SHLD2: variants seen among roughly 807,000 people sequenced by gnomAD.
SHLD2 encodes RINN1-REV7-interacting novel NHEJ regulator 2.
A neutral mutation model predicts 73.2 loss-of-function variants in SHLD2; 30 were observed. That is an observed-to-expected ratio of 0.41 (90% CI 0.31 to 0.56). The LOEUF is 0.56. SHLD2 is among the 20% of genes least tolerant of loss of function. The pLI, the probability that SHLD2 is intolerant of heterozygous loss-of-function variation, is 0.28. For missense variants in SHLD2, 745 were observed against 1,055.9 expected, an observed-to-expected ratio of 0.71 and a Z score of 4.08; for synonymous variants, 285 against 370.1, an observed-to-expected ratio of 0.77 and a Z score of 2.64.
At position 87,152,761 on chromosome 10, in the gene SHLD2, G is replaced by A; in HGVS notation, c.1407G>A (p.Val469=). ...IKFGPNSGSK[V]PLATVTVIDQ... ...TCGGACCAAATTCTGGCTCTAAAGT[G>A]CCTTTAGCAACAGTTACAGTAATTG... is the stretch of plus-strand genomic sequence containing the variant. Residue 469 remains valine (V), a synonymous_variant, in exon 3 of 10, where the codon GTG becomes GTA. Coordinates refer to ENST00000298786, the MANE Select transcript of SHLD2 (RefSeq NM_001330112.2). 6.8e-6 allele frequency: 11 copies of A among 1,611,922 alleles called. No homozygotes were observed. The highest frequency in any genetic ancestry group is 1.1e-5 in the South Asian group (1 of 90,976).
intron 6 of SHLD2, among the ~76,000 whole-genome samples, chr10:87,172,222 C>T (rs1273664329): frequency 6.6e-6 from 1 of 152,122 alleles, no homozygotes. Flanking sequence ...TCACATCAGT[C>T]TTTTTAAGAT....
chr10:87,109,272 G>T (rs1842782293), intron 2 of SHLD2, among the ~76,000 whole-genome samples: 1 of 151,948 alleles, frequency 6.6e-6, no homozygotes, highest in Admixed American at 6.6e-5. Context: ...ACAAACACTG[G>T]AGATTTTTCT....
intron 2 of SHLD2, among the ~76,000 whole-genome samples, chr10:87,099,413 G>T (rs865874042): frequency 6.6e-6 from 1 of 152,196 alleles, no homozygotes; most frequent in Admixed American, 6.5e-5. Context: ...TCCTATAAAA[G>T]ATGTATGTGG....
At chr10:87,165,785 A>G (rs1246204129) in intron 4 of SHLD2, among the ~76,000 whole-genome samples, 9 of 152,244 alleles carry the variant, frequency 5.9e-5, no homozygotes, top group Non-Finnish European at 1.2e-4. Context: ...AACAATATTT[A>G]ATTAACATTA....
chr10:87,129,618 C>A (rs908234777), intron 2 of SHLD2, among the ~76,000 whole-genome samples: 10 of 152,102 alleles, frequency 6.6e-5, no homozygotes, highest in Non-Finnish European at 1.5e-5. Context: ...TCCAAGGGCT[C>A]TTTGGAAAAG....
chr10:87,144,910 G>A (rs61858902), intron 2 of SHLD2, among the ~76,000 whole-genome samples: 1 of 141,606 alleles, frequency 7.1e-6, no homozygotes, highest in Non-Finnish European at 1.5e-5. Context: ...GATTACAGGC[G>A]TGAGCCACTG....
Position 87,171,748 on chromosome 10 carries a change from G to T in SHLD2, c.1963+774G>T, listed in dbSNP as rs1589637125. Among the ~76,000 whole-genome samples, 4 of 152,332 alleles carry T rather than the reference G, an allele frequency of 2.6e-5. No individual in the cohort carries two copies. In the South Asian group the frequency reaches 8.3e-4, roughly 32 times the overall value. The stretch of plus-strand genomic sequence containing the variant: ...TCCAAATAGTTATTTGTAGATAGGA[G>T]CTATCACATTGTCTCTCTTAATCAT... On this transcript the variant is annotated intron_variant, in intron 6 of 9. Coordinates refer to ENST00000298786, the MANE Select transcript of SHLD2 (RefSeq NM_001330112.2).
At chr10:87,162,951 T>C (rs1271541177) in intron 4 of SHLD2, among the ~76,000 whole-genome samples, 4 of 152,168 alleles carry the variant, frequency 2.6e-5, no homozygotes, top group Non-Finnish European at 4.4e-5. Flanking sequence ...TACTTAGCTT[T>C]CAACCTAGCA....
chr10:87,175,496 C>G (rs1028231499), intron 6 of SHLD2, among the ~76,000 whole-genome samples: 5 of 151,658 alleles, frequency 3.3e-5, no homozygotes, highest in Non-Finnish European at 7.4e-5. Flanking sequence ...CCAGCCTGAC[C>G]AACATGGTGA....
chr10:87,146,079 A>T (rs1393240633), intron 2 of SHLD2, among the ~76,000 whole-genome samples: 1 of 152,096 alleles, frequency 6.6e-6, no homozygotes, highest in Non-Finnish European at 1.5e-5. Flanking sequence ...AACACTTTTT[A>T]AAAATTTACT....
chr10:87,094,674 C>G, upstream of SHLD2: 1 of 1,552,490 alleles, frequency 6.4e-7, no homozygotes, highest in Non-Finnish European at 8.7e-7. This position sits in a 1 kb window ranked among gnomAD's most constrained non-coding sequence, Gnocchi z 6.6. Context: ...GTCCCCGGGC[C>G]CAGCCCAGCA....
chr10:87,124,789 A>G (rs1461522938), intron 2 of SHLD2, among the ~76,000 whole-genome samples: 1 of 146,154 alleles, frequency 6.8e-6, no homozygotes, highest in African/African-American at 2.5e-5. Context: ...TCCATTGACT[A>G]GGCTGAGTGC....
intron 6 of SHLD2, among the ~76,000 whole-genome samples, chr10:87,171,941 A>G (rs1564610946): frequency 6.6e-6 from 1 of 152,238 alleles, no homozygotes; most frequent in Non-Finnish European, 1.5e-5. Flanking sequence ...AGTCTAGTGC[A>G]TGCTACACAA....
At chr10:87,145,247 C>T (rs1266879384) in intron 2 of SHLD2, among the ~76,000 whole-genome samples, 2 of 152,116 alleles carry the variant, frequency 1.3e-5, no homozygotes, top group Non-Finnish European at 2.9e-5. Flanking sequence ...ATACACAGTA[C>T]GTGGGTTATT....
At chr10:87,129,953 TTTTA>T (rs1396325158) in intron 2 of SHLD2, among the ~76,000 whole-genome samples, 1 of 152,186 alleles carries the variant, frequency 6.6e-6, no homozygotes, top group Non-Finnish European at 1.5e-5. Context: ...ATAAAATTCC[TTTTA>T]TTTATTTATT....
At chr10:87,182,009 C>A (rs1439283552) in intron 8 of SHLD2, among the ~76,000 whole-genome samples, 2 of 152,030 alleles carry the variant, frequency 1.3e-5, no homozygotes, top group African/African-American at 4.8e-5. Context: ...CTCAGGTGAT[C>A]CACCCGTCTC....
chr10:87,127,760 A>C (rs1482562691), intron 2 of SHLD2, among the ~76,000 whole-genome samples: 5 of 151,370 alleles, frequency 3.3e-5, no homozygotes, highest in Non-Finnish European at 7.4e-5. Context: ...TTTTATGTGC[A>C]TTATCTCACT....
intron 4 of SHLD2, among the ~76,000 whole-genome samples, chr10:87,163,243 C>T (rs9421601): frequency 4.6e-5 from 7 of 151,418 alleles, no homozygotes; most frequent in South Asian, 2.1e-4. Flanking sequence ...CCTTCCTGTA[C>T]GAAGGAATGG....
chr10:87,122,663 C>G lies in SHLD2; in HGVS notation c.-6+25674C>G, dbSNP rs374055837. Among the ~76,000 whole-genome samples, 21 of 152,230 alleles carry G rather than the reference C, an allele frequency of 1.4e-4. No homozygotes were observed. The East Asian group carries it at 4.0e-3, about 29-fold the overall frequency. On this transcript the variant is annotated intron_variant, in intron 2 of 9. Coordinates refer to ENST00000298786, the MANE Select transcript of SHLD2 (RefSeq NM_001330112.2). Reference sequence around the variant, plus strand: ...GGTGCTAAGAGTGTTATGAGAATTCCTAATAAATAGAAAAGCTCAAGGATT... The same window carrying G: ...GGTGCTAAGAGTGTTATGAGAATTCGTAATAAATAGAAAAGCTCAAGGATT...
Sources: gnomAD v4.1 joint callset for allele counts (sites outside exome capture counted in the v4.1 genomes callset) on GRCh38, gnomAD v4.1.1 for gene constraint, Gnocchi (gnomAD v3.1) non-coding constraint, MANE v1.5 for transcripts, NCBI Gene and HGNC (gene_info 2026-07-23, HGNC 2026-07-21) for gene names.